The following ABCA12 variants were observed in gnomAD, a reference collection of about 807,000 sequenced individuals.
The protein encoded by ABCA12 is ATP binding cassette subfamily A member 12.
In ABCA12, 156 loss-of-function variants were observed where a neutral mutation model predicts 293.5. The ratio of observed to expected loss-of-function variants is 0.53; its 90% CI spans 0.47 to 0.61. The LOEUF is 0.61. Ranked by LOEUF, ABCA12 falls within the 20% of genes least tolerant of loss-of-function variation. ABCA12 has a pLI of 0.00. For missense variants in ABCA12, 2,797 were observed against 3,090.2 expected (o/e 0.91, Z 2.25); for synonymous variants, 1,063 against 1,108.0 (o/e 0.96, Z 0.81).
At chr2:215,135,594 A>G (rs1416218239) in intron 1 of ABCA12, among the ~76,000 whole-genome samples, 1 of 152,228 alleles carries the variant, frequency 6.6e-6, no homozygotes, top group Non-Finnish European at 1.5e-5. Context: ...ATGATTATGA[A>G]TGTAGAAATA....
intron 2 of ABCA12, among the ~76,000 whole-genome samples, chr2:215,086,919 T>TTCATTATTATTA (rs1425030663): frequency 0.017 from 2,576 of 151,074 alleles, 93 homozygotes; most frequent in African/African-American, 0.058. Context: ...TAACTACCAG[T>TTCATTATTATTA]TTATTATTAT....
intron 3 of ABCA12, among the ~76,000 whole-genome samples, chr2:215,063,300 A>C (rs756234551): frequency 3.0e-4 from 45 of 152,080 alleles, no homozygotes; most frequent in Admixed American, 9.8e-4. Context: ...GCAACTAAAT[A>C]TCTACGATTA....
chr2:215,112,776 G>T (rs541513648), intron 1 of ABCA12, among the ~76,000 whole-genome samples: 1 of 151,916 alleles, frequency 6.6e-6, no homozygotes, highest in African/African-American at 2.4e-5. Context: ...GATTACAGGC[G>T]TGTGAGCCAC....
At chr2:215,128,567 T>TTCC (rs1702978694) in intron 1 of ABCA12, among the ~76,000 whole-genome samples, 1 of 75,242 alleles carries the variant, frequency 1.3e-5, no homozygotes, top group Non-Finnish European at 2.3e-5. Flanking sequence ...CTGAATTTCT[T>TTCC]TCTTCTTGTT....
At chr2:215,109,697 T>A (rs1702531759) in intron 2 of ABCA12, among the ~76,000 whole-genome samples, 1 of 152,178 alleles carries the variant, frequency 6.6e-6, no homozygotes, top group Admixed American at 6.5e-5. Flanking sequence ...TCTTCCTAAT[T>A]TAGTAGAATT....
At chr2:214,970,147 A>T in intron 37 of ABCA12, 126 bp downstream of exon 37, 1 of 991,928 alleles carries the variant, frequency 1.0e-6, no homozygotes, top group Non-Finnish European at 1.4e-6. Flanking sequence ...AAGGCTGTTT[A>T]AATAAAACTG....
At chr2:215,032,817 A>G (rs1480609638) in intron 8 of ABCA12, among the ~76,000 whole-genome samples, 1 of 152,190 alleles carries the variant, frequency 6.6e-6, no homozygotes, top group Non-Finnish European at 1.5e-5. Context: ...ATCATTTTCA[A>G]TGGGATATTT....
At position 215,120,814 on chromosome 2, in the gene ABCA12, C is replaced by T. The variant is rs1194615806; in HGVS notation, c.70-9124G>A. ...GGTGAAATCTTTCTTCCCGTAACTA[C>T]TGCCTATTTGTCTAAGTTTGGCCAC... On this transcript the variant is annotated intron_variant, in intron 1 of 52. Transcript: ENST00000272895. Among the ~76,000 whole-genome samples the T allele has an allele frequency of 7.2e-5, 11 of 152,308 alleles. 1 individual carries two copies. The highest frequency in any genetic ancestry group is 1.9e-4 in the African/African-American group (8 of 41,572).
chr2:214,953,808 T>G, intron 44 of ABCA12, 46 bp downstream of exon 44: 21 of 1,600,142 alleles, frequency 1.3e-5, no homozygotes, highest in Non-Finnish European at 1.8e-5. Flanking sequence ...TAGGTTGAAT[T>G]GAGTTCTGTT....
intron 8 of ABCA12, 194 bp from the exon 9 acceptor site, chr2:215,032,090 T>A: frequency 6.9e-7 from 1 of 1,446,560 alleles, no homozygotes; most frequent in Non-Finnish European, 9.1e-7. Context: ...AGGAAATAGA[T>A]GCCTACTGAT....
chr2:214,979,041 C>CT lies in ABCA12; in HGVS notation c.4741-2dup, dbSNP rs1559126815. Reference sequence around the variant, plus strand: ...CTGCATTTGCATTTAAATTTGGACTCTAAGAGAGAAAAGTAGGAATTAAAA... The same window carrying CT: ...CTGCATTTGCATTTAAATTTGGACTCTTAAGAGAGAAAAGTAGGAATTAAAA... On this transcript the variant is annotated splice_acceptor_variant, in intron 31 of 52. Transcript: ENST00000272895. LOFTEE classifies it high-confidence loss of function. 2 of 1,613,262 alleles carry CT rather than the reference C, an allele frequency of 1.2e-6. No homozygotes were observed. Among genetic ancestry groups the CT allele is most frequent in the Admixed American group, 3.3e-5 (2 of 60,010 alleles).
chr2:214,945,182 C>A, intron 48 of ABCA12, 78 bp from the exon 49 acceptor site: 1 of 1,141,434 alleles, frequency 8.8e-7, no homozygotes, highest in South Asian at 1.3e-5. Context: ...TACTGCATTT[C>A]ACTTCCCTAG....
chr2:215,099,748 T>C (rs1182193191), intron 2 of ABCA12, among the ~76,000 whole-genome samples: 1 of 152,000 alleles, frequency 6.6e-6, no homozygotes, highest in African/African-American at 2.4e-5. Context: ...TAAATGTTTA[T>C]TGTTGTTGCC....
Position 215,015,762 on chromosome 2 carries a change from A to G in ABCA12, c.1783-99T>C. 7 of 1,092,708 alleles carry G rather than the reference A, an allele frequency of 6.4e-6. No homozygotes were observed. In the South Asian group the frequency reaches 9.3e-5, roughly 15 times the overall value. The allele number at this position is 1,092,708 out of a possible 1,614,324, so 67.7% of individuals were successfully genotyped here. A position where few individuals can be genotyped will look rare whatever the true frequency, so the allele number is the denominator to read the frequency against. Reference sequence around the variant, plus strand: ...TGTATACTCTAAATTTTAAACTAAAACAAAAGGTCCTCAAGAATCAAACAA... The same window carrying G: ...TGTATACTCTAAATTTTAAACTAAAGCAAAAGGTCCTCAAGAATCAAACAA... On this transcript the variant is annotated intron_variant, in intron 14 of 52. Transcript: ENST00000272895.
intron 41 of ABCA12, among the ~76,000 whole-genome samples, chr2:214,957,719 T>C (rs1420822184): frequency 6.6e-6 from 1 of 152,234 alleles, no homozygotes; most frequent in Non-Finnish European, 1.5e-5. Context: ...AACAACCATC[T>C]GAACTTGGGA....
At chr2:215,119,399 T>C (rs1289057956) in intron 1 of ABCA12, among the ~76,000 whole-genome samples, 3 of 152,202 alleles carry the variant, frequency 2.0e-5, no homozygotes, top group Non-Finnish European at 4.4e-5. Flanking sequence ...TTGAGAAGGG[T>C]ACTTCCTAGA....
At chr2:215,040,255 T>C (rs919570768) in intron 7 of ABCA12, among the ~76,000 whole-genome samples, 4 of 152,172 alleles carry the variant, frequency 2.6e-5, no homozygotes, top group Admixed American at 6.5e-5. Flanking sequence ...TCAGATGCTA[T>C]TCTATCAAAA....
intron 7 of ABCA12, among the ~76,000 whole-genome samples, chr2:215,039,760 A>C (rs1420547898): frequency 1.0e-5 from 1 of 98,368 alleles, no homozygotes; most frequent in Non-Finnish European, 2.0e-5. Flanking sequence ...TTCTCACAAA[A>C]AATAAATAAA....
chr2:214,952,244 G>A (rs901734886), intron 44 of ABCA12, among the ~76,000 whole-genome samples: 11 of 147,782 alleles, frequency 7.4e-5, no homozygotes, highest in African/African-American at 1.2e-4. Flanking sequence ...TTTTTGAGAC[G>A]GAGTCTCGCT....
Sources: gnomAD v4.1 joint callset for allele counts (sites outside exome capture counted in the v4.1 genomes callset) on GRCh38, gnomAD v4.1.1 for gene constraint, MANE v1.5 for transcripts, NCBI Gene and HGNC (gene_info 2026-07-23, HGNC 2026-07-21) for gene names.